Variants in MTHFD2L observed in about 807,000 individuals in gnomAD.
MTHFD2L encodes the protein bifunctional methylenetetrahydrofolate dehydrogenase/cyclohydrolase 2, mitochondrial.
MTHFD2L carries 29 observed loss-of-function variants against 34.9 expected under a neutral mutation model. The ratio of observed to expected loss-of-function variants is 0.83; its 90% CI spans 0.62 to 1.13. The LOEUF (loss-of-function observed/expected upper bound fraction) is 1.13, where lower values mean the gene tolerates loss of function less well. MTHFD2L is among the 50% of genes most tolerant of loss of function. The probability of loss-of-function intolerance (pLI) is 0.00; values close to 1 mark genes in which losing one functional copy is unlikely to be tolerated. For synonymous variants in MTHFD2L, 167 were observed against 155.7 expected (o/e 1.07, Z -0.54); for missense variants, 481 against 446.5 (o/e 1.08, Z -0.70).
chr4:74,143,078 G>A (rs1723373530), intron 1 of MTHFD2L, among the ~76,000 whole-genome samples: 1 of 152,172 alleles, frequency 6.6e-6, no homozygotes. Context: ...TGTCTTTGGT[G>A]TAGATGTCCA....
intron 1 of MTHFD2L, among the ~76,000 whole-genome samples, chr4:74,170,846 G>A (rs868863127): frequency 2.0e-5 from 3 of 151,802 alleles, no homozygotes; most frequent in Non-Finnish European, 4.4e-5. Flanking sequence ...GATGAAACTG[G>A]AAACCATCAT....
At chr4:74,150,253 T>C (rs1723849865) in intron 1 of MTHFD2L, among the ~76,000 whole-genome samples, 1 of 152,158 alleles carries the variant, frequency 6.6e-6, no homozygotes, top group African/African-American at 2.4e-5. Flanking sequence ...TAAGTTTTTG[T>C]TGTTGTTGTT....
At chr4:74,210,780 T>G (rs1356991867) in intron 5 of MTHFD2L, among the ~76,000 whole-genome samples, 1 of 152,230 alleles carries the variant, frequency 6.6e-6, no homozygotes, top group Non-Finnish European at 1.5e-5. Context: ...CTTTGGGCAG[T>G]ATGGCCATTT....
At chr4:74,291,409 T>C (rs1368998124) in intron 7 of MTHFD2L, among the ~76,000 whole-genome samples, 1 of 152,122 alleles carries the variant, frequency 6.6e-6, no homozygotes, top group Non-Finnish European at 1.5e-5. Flanking sequence ...TAAAAACCAG[T>C]GGTATCATTC....
chr4:74,168,072 A>C (rs1727132983), intron 1 of MTHFD2L, among the ~76,000 whole-genome samples: 1 of 152,092 alleles, frequency 6.6e-6, no homozygotes, highest in South Asian at 2.1e-4. Context: ...TGGAGTCTCC[A>C]CTTCTCCCCT....
intron 1 of MTHFD2L, among the ~76,000 whole-genome samples, chr4:74,152,686 C>A (rs1236256466): frequency 6.6e-6 from 1 of 152,160 alleles, no homozygotes; most frequent in East Asian, 1.9e-4. Context: ...GTCTCCACCC[C>A]CTGACAGGCC....
At chr4:74,265,465 C>T (rs369031409) in intron 6 of MTHFD2L, among the ~76,000 whole-genome samples, 14 of 152,216 alleles carry the variant, frequency 9.2e-5, no homozygotes, top group African/African-American at 3.4e-4. Context: ...TGTGGATTGG[C>T]TATGATATTT....
chr4:74,289,372 G>C (rs577413660), intron 7 of MTHFD2L, among the ~76,000 whole-genome samples: 2 of 152,252 alleles, frequency 1.3e-5, no homozygotes, highest in African/African-American at 4.8e-5. Flanking sequence ...GGGCCTGGCT[G>C]GCGGTTTTTA....
At chr4:74,223,375 C>T (rs554484042) in intron 5 of MTHFD2L, among the ~76,000 whole-genome samples, 5 of 152,018 alleles carry the variant, frequency 3.3e-5, no homozygotes, top group African/African-American at 1.2e-4. Context: ...AACAGAAATC[C>T]AAATACTGCA....
At chr4:74,116,074 T>C (rs1401405178) in intron 2 of MTHFD2L, among the ~76,000 whole-genome samples, 2 of 152,222 alleles carry the variant, frequency 1.3e-5, no homozygotes, top group African/African-American at 4.8e-5. Flanking sequence ...TTTTTCACTC[T>C]GATTATTGGA....
intron 6 of MTHFD2L, among the ~76,000 whole-genome samples, chr4:74,269,234 T>TAA (rs1745664889): frequency 6.6e-6 from 1 of 152,162 alleles, no homozygotes; most frequent in Admixed American, 6.5e-5. Flanking sequence ...TTGCCAGAAA[T>TAA]AAGTTGATAA....
chr4:74,119,255 G>C (rs1721709200), upstream of MTHFD2L, among the ~76,000 whole-genome samples: 1 of 152,170 alleles, frequency 6.6e-6, no homozygotes, highest in Admixed American at 6.5e-5. Context: ...GTCAGAATCT[G>C]ACACTTATTT....
chr4:74,130,708 T>C lies in MTHFD2L; in HGVS notation c.-297+5191T>C, dbSNP rs1431928951. Reference sequence around the variant, plus strand: ...AGGATGCCCTCTCTCACCACTCCTATTCAACATAGTATTGGAAGTTCTGGC... The same window carrying C: ...AGGATGCCCTCTCTCACCACTCCTACTCAACATAGTATTGGAAGTTCTGGC... On this transcript the variant is annotated intron_variant, in intron 1 of 7. Coordinates refer to the MTHFD2L transcript ENST00000433372. Among the ~76,000 whole-genome samples, 7 of 152,264 alleles carry C rather than the reference T, an allele frequency of 4.6e-5. No homozygotes were observed. The East Asian group carries it at 7.7e-4, about 17-fold the overall frequency.
chr4:74,214,575 C>T lies in MTHFD2L; in HGVS notation c.713-10727C>T, dbSNP rs544717116. ...CAAAGATTTCTGCCTGTTCTTTCCT[C>T]TGGAAGCTTCATCCCAGAGGGGCCC... On this transcript the variant is annotated intron_variant, in intron 5 of 7. Coordinates refer to ENST00000325278, the MANE Select transcript of MTHFD2L (RefSeq NM_001144978.3). 4.5e-4 allele frequency among the ~76,000 whole-genome samples: 69 copies of T among 151,954 alleles called. 2 individuals carry two copies. The highest frequency in any genetic ancestry group is 1.7e-3 in the African/African-American group (68 of 41,206).
At chr4:74,200,302 ACT>A (rs1227800148) in intron 4 of MTHFD2L, among the ~76,000 whole-genome samples, 5 of 152,040 alleles carry the variant, frequency 3.3e-5, no homozygotes, top group Non-Finnish European at 4.4e-5. Context: ...ACAGAGCAAG[ACT>A]CTGTCTCAAA....
chr4:74,164,368 C>T (rs1407359671), intron 1 of MTHFD2L, among the ~76,000 whole-genome samples: 1 of 152,084 alleles, frequency 6.6e-6, no homozygotes, highest in Non-Finnish European at 1.5e-5. Context: ...AGAAATAATC[C>T]TCCCCCTTTG....
chr4:74,209,072 A>T (rs1735837635), intron 5 of MTHFD2L, among the ~76,000 whole-genome samples: 1 of 152,176 alleles, frequency 6.6e-6, no homozygotes, highest in Admixed American at 6.6e-5. Context: ...CTGGATTATT[A>T]GAAAACATGT....
chr4:74,293,786 G>A (rs1257372213), intron 7 of MTHFD2L: 2 of 152,174 alleles, frequency 1.3e-5, no homozygotes, highest in Non-Finnish European at 2.9e-5. Context: ...TTTTCTGGTT[G>A]TTATTCCTGT....
At chr4:74,120,641 A>G (rs1054676160), upstream of MTHFD2L, among the ~76,000 whole-genome samples, 11 of 152,200 alleles carry the variant, frequency 7.2e-5, no homozygotes, top group Non-Finnish European at 1.6e-4. Flanking sequence ...AAATTTAACA[A>G]TGTTTTGCAA....
Sources: allele counts gnomAD v4.1 joint callset (sites outside exome capture counted in the v4.1 genomes callset), GRCh38; gene constraint gnomAD v4.1.1; transcripts MANE v1.5; gene names NCBI Gene and HGNC (gene_info 2026-07-23, HGNC 2026-07-21).